NUP210: variants seen among roughly 807,000 people sequenced by gnomAD.
The protein encoded by NUP210 is nuclear pore membrane glycoprotein 210.
Under a neutral mutation model 196.0 loss-of-function variants are expected in NUP210, and 151 were observed. That is an observed-to-expected ratio of 0.77 (90% CI 0.67 to 0.88). NUP210 has a LOEUF of 0.88. Ranked by LOEUF, NUP210 falls within the 40% of genes least tolerant of loss-of-function variation. NUP210 has a pLI of 0.00. For synonymous variants in NUP210, 1,070 were observed against 1,052.7 expected (o/e 1.02, Z -0.32); for missense variants, 2,314 against 2,493.7 (o/e 0.93, Z 1.53).
rs1230707764 is a variant in NUP210, at chr3:13,350,247, A to G, written c.2835+1632T>C. 7.1e-6 allele frequency among the ~76,000 whole-genome samples: 1 copy of G among 141,758 alleles called. No homozygotes were observed. The highest frequency in any genetic ancestry group is 1.5e-5 in the Non-Finnish European group (1 of 66,112). The allele number at this position is 141,758 out of a possible 152,430, so 93.0% of individuals were successfully genotyped here. On this transcript the variant is annotated intron_variant, in intron 20 of 39. Coordinates refer to ENST00000254508, the MANE Select transcript of NUP210 (RefSeq NM_024923.4). This position sits in a 1 kb window ranked among gnomAD's most constrained non-coding sequence, Gnocchi z 4.1. ...GTGTGTGTGTGTTCAGCAAAATAAC[A>G]CAGCCTGTGTGTTTGTGTGTGTGTG...
At chr3:13,319,736 C>T (rs1475255096) in intron 37 of NUP210, 27 bp downstream of exon 37, 1 of 1,603,178 alleles carries the variant, frequency 6.2e-7, no homozygotes, top group Admixed American at 1.7e-5. Flanking sequence ...CCTGGTCTGT[C>T]CCAGATGATG....
intron 28 of NUP210, among the ~76,000 whole-genome samples, chr3:13,334,644 C>G (rs1697135026): frequency 6.6e-6 from 1 of 152,140 alleles, no homozygotes; most frequent in African/African-American, 2.4e-5. Flanking sequence ...TAGGAGCACC[C>G]AGGGGTTACT....
rs1353746447 is a variant in NUP210 at position 13,354,021 on chromosome 3, C to T, written c.2415G>A (p.Leu805=). Residue 805 remains leucine, a synonymous_variant, in exon 17 of 40, where the codon CTG becomes CTA. Transcript: ENST00000254508. ...EGRRFDNFSS[L]SIQWESTRPV... ...GCCTGGTGGACTCCCACTGGATGCTCAGAGAGCTGAAGTTGTCGAACCGGC... is the reference window on the plus strand; with the variant it reads ...GCCTGGTGGACTCCCACTGGATGCTTAGAGAGCTGAAGTTGTCGAACCGGC... 1.2e-6 allele frequency: 2 copies of T among 1,609,314 alleles called. No individual in the cohort carries two copies. Among genetic ancestry groups the T allele is most frequent in the Non-Finnish European group, 1.7e-6 (2 of 1,177,960 alleles).
In NUP210 at chr3:13,420,026, C is replaced by T; in HGVS notation, c.167+34G>A. 8.5e-7 allele frequency: 1 copy of T among 1,171,492 alleles called. No individual in the cohort carries two copies. Among genetic ancestry groups the T allele is most frequent in the Non-Finnish European group, 1.1e-6 (1 of 943,130 alleles). 72.6% of individuals were successfully genotyped at this position (1,171,492 alleles called of 1,614,324 possible). ...CTCAGCGCGAAGGCCCAGCCCGGCC[C>T]ACGGCGCCCGCCCGGCCCGGCCGCG... On this transcript the variant is annotated intron_variant, in intron 1 of 39. Coordinates refer to ENST00000254508, the MANE Select transcript of NUP210 (RefSeq NM_024923.4). This position sits in a 1 kb window ranked among gnomAD's most constrained non-coding sequence, Gnocchi z 4.8.
In NUP210 at chr3:13,319,820, CTTGG is replaced by C. The variant is rs1197986181; in HGVS notation, c.5322_5325del (p.Asn1774LysfsTer7). On this transcript the variant is annotated frameshift_variant, in exon 37 of 40. Transcript: ENST00000254508. LOFTEE classifies it high-confidence loss of function. ...GCCACTGTCACTGGGATGGCAATGG[CTTGG>C]TTGGTCACGGGGCTGGAGAAGGTCA... 2 of 1,614,238 alleles carry C rather than the reference CTTGG, an allele frequency of 1.2e-6. No homozygotes were observed. The highest frequency in any genetic ancestry group is 2.2e-5 in the East Asian group (1 of 44,886).
chr3:13,350,997 C>T lies in NUP210; in HGVS notation c.2835+882G>A, dbSNP rs2124877045. Among the ~76,000 whole-genome samples the T allele has an allele frequency of 6.6e-6, 1 of 152,194 alleles. No homozygotes were observed. Among genetic ancestry groups the T allele is most frequent in the East Asian group, 1.9e-4 (1 of 5,186 alleles). ...ACAGGCATGAGCCACCGCACCCGGCCAGAAATTCTTAAATTGAAAAGTATA... is the reference window on the plus strand; with the variant it reads ...ACAGGCATGAGCCACCGCACCCGGCTAGAAATTCTTAAATTGAAAAGTATA... On this transcript the variant is annotated intron_variant, in intron 20 of 39. Coordinates refer to ENST00000254508, the MANE Select transcript of NUP210 (RefSeq NM_024923.4). The surrounding 1 kb of genome is among the most constrained non-coding windows in gnomAD (Gnocchi z 4.1).
chr3:13,417,051 G>T (rs965412161), intron 1 of NUP210, among the ~76,000 whole-genome samples: 13 of 152,194 alleles, frequency 8.5e-5, no homozygotes, highest in African/African-American at 2.9e-4. Context: ...GAAGGAATCA[G>T]GAACTTGTCA....
chr3:13,381,434 T>TC (rs1318684876), intron 6 of NUP210, among the ~76,000 whole-genome samples: 14 of 151,126 alleles, frequency 9.3e-5, no homozygotes, highest in Admixed American at 3.9e-4. Context: ...TTTTTTTTTT[T>TC]TAGAGATAGG....
At chr3:13,385,372 C>G (rs1045363161) in intron 6 of NUP210, among the ~76,000 whole-genome samples, 2 of 152,232 alleles carry the variant, frequency 1.3e-5, no homozygotes, top group Non-Finnish European at 2.9e-5. Context: ...GCCCATGACC[C>G]TTCAGGTCCT....
In NUP210 at chr3:13,360,323, G is replaced by GGGAGGA. The variant is rs1698327562; in HGVS notation, c.2095_2100dup (p.Ser699_Ser700dup). 5.0e-6 allele frequency: 8 copies of GGGAGGA among 1,614,098 alleles called. No homozygotes were observed. The highest frequency in any genetic ancestry group is 1.3e-5 in the African/African-American group (1 of 74,944). The stretch of plus-strand genomic sequence containing the variant: ...AGGATCCAGTGTTGCTGATAATTCC[G>GGGAGGA]GGAGGAATGGGGGGCAAAGAGAGCC... On this transcript the variant is annotated inframe_insertion, in exon 15 of 40. Transcript: ENST00000254508.
chr3:13,371,828 G>T lies in NUP210; in HGVS notation c.1786+6C>A. On this transcript the variant is annotated splice_donor_region_variant and intron_variant, in intron 13 of 39. Coordinates refer to ENST00000254508, the MANE Select transcript of NUP210 (RefSeq NM_024923.4). Reference sequence around the variant, plus strand: ...ATCTGGCACCTGCTCAGCAGCGCTGGTTTACCTGGGAGTGGCTGGAACACA... The same window carrying T: ...ATCTGGCACCTGCTCAGCAGCGCTGTTTTACCTGGGAGTGGCTGGAACACA... The T allele has an allele frequency of 6.2e-7, 1 of 1,602,972 alleles. No homozygotes were observed. Among genetic ancestry groups the T allele is most frequent in the East Asian group, 2.2e-5 (1 of 44,450 alleles).
intron 6 of NUP210, among the ~76,000 whole-genome samples, chr3:13,380,799 G>C (rs1225980112): frequency 2.0e-5 from 3 of 152,234 alleles, no homozygotes; most frequent in South Asian, 4.1e-4. Flanking sequence ...AGAATCTCCA[G>C]GGATTCTGAT....
intron 30 of NUP210, among the ~76,000 whole-genome samples, chr3:13,329,346 C>T (rs1465900913): frequency 6.6e-6 from 1 of 152,180 alleles, no homozygotes; most frequent in African/African-American, 2.4e-5. Context: ...AAGCAGGCCA[C>T]AGCATGCCCT....
chr3:13,321,857 G>A, intron 35 of NUP210, 22 bp from the exon 36 acceptor site: 1 of 1,596,560 alleles, frequency 6.3e-7, no homozygotes, highest in Non-Finnish European at 8.5e-7. Flanking sequence ...AGGGTGTATT[G>A]TCTTGTCCCC....
intron 28 of NUP210, among the ~76,000 whole-genome samples, chr3:13,334,418 G>T (rs2124848895): frequency 6.6e-6 from 1 of 152,270 alleles, no homozygotes; most frequent in African/African-American, 2.4e-5. Context: ...GTGTGCATGT[G>T]TGTCGTGTGT....
chr3:13,370,623 G>C (rs1278912303), intron 13 of NUP210, among the ~76,000 whole-genome samples: 2 of 152,216 alleles, frequency 1.3e-5, no homozygotes, highest in Non-Finnish European at 2.9e-5. Context: ...CCACGTGCAA[G>C]ACTTTTCCTC....
intron 15 of NUP210, 76 bp downstream of exon 15, chr3:13,360,194 A>C (rs1698321422): frequency 7.9e-7 from 1 of 1,269,362 alleles, no homozygotes; most frequent in African/African-American, 1.5e-5. Context: ...CCAAGGAGTA[A>C]ATAAAACAAT....
intron 31 of NUP210, among the ~76,000 whole-genome samples, chr3:13,328,486 G>A (rs1696866236): frequency 6.6e-6 from 1 of 152,212 alleles, no homozygotes; most frequent in South Asian, 2.1e-4. Context: ...AAGCTGAAGG[G>A]CCAATTTCCT....
In NUP210 at chr3:13,386,308, T is replaced by G; in HGVS notation, c.784A>C (p.Lys262Gln). The G allele has an allele frequency of 3.7e-6, 6 of 1,614,148 alleles. No individual in the cohort carries two copies. Among genetic ancestry groups the G allele is most frequent in the Non-Finnish European group, 5.1e-6 (6 of 1,180,020 alleles). Reference protein sequence around the residue: ...YLMVGTSIHYKVQKIRQGKIT... With the variant: ...YLMVGTSIHYQVQKIRQGKIT... ...TTCCCTTGCCTGATCTTCTGCACCT[T>G]GTAGTGAATGGAGGTTCCCACCATC... Residue 262 changes from lysine to glutamine, a missense_variant, in exon 6 of 40, where the codon AAG becomes CAG. Physicochemically the swap from Lys to Gln is moderately conservative, Grantham distance 53 (BLOSUM62 1). Transcript: ENST00000254508.
Sources: allele counts gnomAD v4.1 joint callset (sites outside exome capture counted in the v4.1 genomes callset), GRCh38; gene constraint gnomAD v4.1.1; non-coding constraint Gnocchi (gnomAD v3.1); transcripts MANE v1.5; gene names NCBI Gene and HGNC (gene_info 2026-07-23, HGNC 2026-07-21).